Variants in NFATC1 observed in about 807,000 individuals in gnomAD.
NFATC1 encodes nuclear factor of activated T-cells, cytoplasmic 1.
NFATC1 carries 22 observed loss-of-function variants against 76.0 expected under a neutral mutation model. The ratio of observed to expected loss-of-function variants is 0.29; its 90% CI spans 0.21 to 0.41. NFATC1 has a LOEUF of 0.41. Among genes scored for constraint, NFATC1 ranks in the 10% least tolerant of loss-of-function variants. The pLI is 1.00. For synonymous variants in NFATC1, 704 were observed against 613.1 expected, an observed-to-expected ratio of 1.15 and a Z score of -2.19; for missense variants, 1,357 against 1,337.7, an observed-to-expected ratio of 1.01 and a Z score of -0.23.
At chr18:79,440,290 C>T (rs1040838684) in intron 3 of NFATC1, among the ~76,000 whole-genome samples, 3 of 152,230 alleles carry the variant, frequency 2.0e-5, no homozygotes, top group Non-Finnish European at 4.4e-5. Flanking sequence ...GCAGAAGGGC[C>T]TCCCAGGAGG....
At chr18:79,514,427 T>C (rs1014925331) in intron 9 of NFATC1, among the ~76,000 whole-genome samples, 1 of 150,876 alleles carries the variant, frequency 6.6e-6, no homozygotes, top group African/African-American at 2.4e-5. Context: ...ATACAAAAAT[T>C]AGCCAGGTGT....
At position 79,487,871 on chromosome 18, in the gene NFATC1, C is replaced by T. The variant is rs900560914; in HGVS notation, c.2782+934C>T. 2.6e-5 allele frequency among the ~76,000 whole-genome samples: 4 copies of T among 152,190 alleles called. No homozygotes were observed. In the East Asian group the frequency reaches 5.8e-4, roughly 22 times the overall value. On this transcript the variant is annotated intron_variant, in intron 9 of 9. Coordinates refer to ENST00000427363, the MANE Select transcript of NFATC1 (RefSeq NM_001278669.2). ...GTGACCACGCGTTAGAGGGCGATTC[C>T]GCTCGTGTTTTCTGCTCGAATGGTT...
intron 3 of NFATC1, among the ~76,000 whole-genome samples, chr18:79,445,064 C>T (rs1045945753): frequency 6.6e-6 from 1 of 152,250 alleles, no homozygotes; most frequent in Non-Finnish European, 1.5e-5. Flanking sequence ...GGTCCTCCAC[C>T]CGTTTCGGGT....
At chr18:79,447,972 C>T (rs962178395) in intron 3 of NFATC1, among the ~76,000 whole-genome samples, 2 of 152,214 alleles carry the variant, frequency 1.3e-5, no homozygotes, top group Non-Finnish European at 2.9e-5. Context: ...TGTGCCCTGC[C>T]GTGAGGCGCA....
At chr18:79,484,752 A>C (rs2089444792) in intron 8 of NFATC1, among the ~76,000 whole-genome samples, 1 of 152,146 alleles carries the variant, frequency 6.6e-6, no homozygotes, top group African/African-American at 2.4e-5. Flanking sequence ...AACGGCCCAT[A>C]TGGGTCAGTC....
At chr18:79,447,354 C>T (rs1311170681) in intron 3 of NFATC1, among the ~76,000 whole-genome samples, 1 of 152,250 alleles carries the variant, frequency 6.6e-6, no homozygotes, top group Non-Finnish European at 1.5e-5. Context: ...CAGGGGCAGG[C>T]GTCGCATTTT....
At position 79,528,265 on chromosome 18, in the gene NFATC1, T is replaced by C. The variant is rs373947336; in HGVS notation, c.*688T>C. ...ATAGTCGCATGCTCGCATCTTTGTT[T>C]TTAATCTGGCTTCGAACATAGCACA... On this transcript the variant is annotated 3_prime_UTR_variant, in exon 10 of 10. Coordinates refer to ENST00000427363, the MANE Select transcript of NFATC1 (RefSeq NM_001278669.2). The C allele has an allele frequency of 8.6e-5, 21 of 244,780 alleles. No individual in the cohort carries two copies. The highest frequency in any genetic ancestry group is 2.3e-4 in the East Asian group (3 of 13,022). The allele number at this position is 244,780 out of a possible 1,614,324, so 15.2% of individuals were successfully genotyped here.
intron 1 of NFATC1, among the ~76,000 whole-genome samples, chr18:79,408,681 T>C (rs2085524697): frequency 6.6e-6 from 1 of 152,242 alleles, no homozygotes; most frequent in Non-Finnish European, 1.5e-5. Context: ...TTAAAATCTG[T>C]TTACATATGT....
chr18:79,451,653 C>G, intron 5 of NFATC1, 23 bp from the exon 6 acceptor site: 2 of 1,562,728 alleles, frequency 1.3e-6, no homozygotes, highest in Non-Finnish European at 1.7e-6. Flanking sequence ...CAGGCCCTCA[C>G]TGCCCCTCTC....
intron 1 of NFATC1, among the ~76,000 whole-genome samples, chr18:79,405,400 A>G (rs2085401177): frequency 6.6e-6 from 1 of 152,228 alleles, no homozygotes; most frequent in African/African-American, 2.4e-5. Context: ...AATCAGCCCA[A>G]GCGCCTCAGA....
chr18:79,453,828 G>A (rs1028156138), intron 6 of NFATC1, among the ~76,000 whole-genome samples: 1 of 152,172 alleles, frequency 6.6e-6, no homozygotes, highest in Non-Finnish European at 1.5e-5. Flanking sequence ...ACACACACAA[G>A]CACATTCCAT....
At chr18:79,408,380 TA>T (rs928522364) in intron 1 of NFATC1, among the ~76,000 whole-genome samples, 2 of 152,196 alleles carry the variant, frequency 1.3e-5, no homozygotes, top group African/African-American at 4.8e-5. Context: ...CAAGATGTCA[TA>T]AAAAGTCTTT....
intron 1 of NFATC1, among the ~76,000 whole-genome samples, chr18:79,405,576 G>C (rs192614938): frequency 6.6e-6 from 1 of 152,354 alleles, no homozygotes; most frequent in South Asian, 2.1e-4. Flanking sequence ...CCGGCGTGTG[G>C]GGCTTGGCCT....
chr18:79,438,377 G>A (rs1167347662), intron 3 of NFATC1, among the ~76,000 whole-genome samples: 3 of 152,190 alleles, frequency 2.0e-5, no homozygotes, highest in Non-Finnish European at 4.4e-5. Flanking sequence ...GCACGTCCCC[G>A]GCCCTCGGCC....
chr18:79,434,875 T>G (rs1450540420), intron 3 of NFATC1, among the ~76,000 whole-genome samples: 1 of 152,262 alleles, frequency 6.6e-6, no homozygotes, highest in Admixed American at 6.5e-5. Context: ...ATGTGATGTT[T>G]GTGGCCTGTG....
chr18:79,415,609 A>G (rs775970571), intron 2 of NFATC1, among the ~76,000 whole-genome samples: 5 of 152,126 alleles, frequency 3.3e-5, no homozygotes, highest in Non-Finnish European at 5.9e-5. Flanking sequence ...CACATGAAAC[A>G]TTGCCTCTTA....
intron 1 of NFATC1, among the ~76,000 whole-genome samples, chr18:79,396,846 C>T (rs905013181): frequency 2.0e-5 from 3 of 151,972 alleles, no homozygotes; most frequent in South Asian, 4.2e-4. Flanking sequence ...TCGCGCCGCG[C>T]CCCTGAATTC....
intron 2 of NFATC1, among the ~76,000 whole-genome samples, chr18:79,427,287 G>A (rs1382501626): frequency 6.6e-6 from 1 of 152,180 alleles, no homozygotes; most frequent in Non-Finnish European, 1.5e-5. Context: ...AGGGAAGGGG[G>A]ACCAGTATAT....
At chr18:79,482,876 G>A (rs1165559349) in intron 8 of NFATC1, among the ~76,000 whole-genome samples, 1 of 134,958 alleles carries the variant, frequency 7.4e-6, no homozygotes, top group Non-Finnish European at 1.6e-5. Flanking sequence ...AGCGTGACCT[G>A]GTTCCTGGGG....
Sources: gnomAD v4.1 joint callset for allele counts (sites outside exome capture counted in the v4.1 genomes callset) on GRCh38, gnomAD v4.1.1 for gene constraint, MANE v1.5 for transcripts, NCBI Gene and HGNC (gene_info 2026-07-23, HGNC 2026-07-21) for gene names.